MAPK14: variants seen among roughly 807,000 people sequenced by gnomAD.
MAPK14 encodes CSAID-binding protein.
MAPK14 carries 16 observed loss-of-function variants against 49.6 expected under a neutral mutation model. That is an observed-to-expected ratio of 0.32 (90% confidence interval 0.22 to 0.49). MAPK14 has a LOEUF of 0.49. Ranked by LOEUF, MAPK14 falls within the 20% of genes least tolerant of loss-of-function variation. The probability of loss-of-function intolerance (pLI) is 0.99; values close to 1 mark genes in which losing one functional copy is unlikely to be tolerated. For synonymous variants in MAPK14, 142 were observed against 158.0 expected (o/e 0.90, Z 0.76); for missense variants, 200 against 441.2 (o/e 0.45, Z 4.90).
At chr6:36,096,138 T>C (rs1243559049) in intron 9 of MAPK14, 72 bp downstream of exon 9, 10 of 1,046,746 alleles carry the variant, frequency 9.6e-6, no homozygotes, top group East Asian at 2.4e-5. Flanking sequence ...ATCTGTACTT[T>C]GACCTGGGTG....
At chr6:36,062,662 C>CTTTTTTT (rs67561112) in intron 3 of MAPK14, among the ~76,000 whole-genome samples, 1 of 132,434 alleles carries the variant, frequency 7.6e-6, no homozygotes, top group Non-Finnish European at 1.6e-5. Context: ...TTTTTCTTTT[C>CTTTTTTT]TTTTTTTTTT....
intron 3 of MAPK14, among the ~76,000 whole-genome samples, chr6:36,059,723 G>C (rs915103485): frequency 6.6e-6 from 1 of 151,996 alleles, no homozygotes; most frequent in Non-Finnish European, 1.5e-5. Flanking sequence ...TTGTGATATT[G>C]CCCAGGCTGG....
intron 1 of MAPK14, among the ~76,000 whole-genome samples, chr6:36,044,196 A>G (rs576455002): frequency 2.0e-5 from 3 of 152,284 alleles, no homozygotes; most frequent in African/African-American, 7.2e-5. Flanking sequence ...ATATTTAAAT[A>G]TTTCCATTAA....
At position 36,028,344 on chromosome 6, in the gene MAPK14, A is replaced by T; in HGVS notation, c.116+71A>T. The T allele has an allele frequency of 9.3e-7, 1 of 1,078,954 alleles. No homozygotes were observed. Among genetic ancestry groups the T allele is most frequent in the South Asian group, 1.3e-5 (1 of 78,060 alleles). 66.8% of individuals were successfully genotyped at this position (1,078,954 alleles called of 1,614,324 possible). On this transcript the variant is annotated intron_variant, in intron 1 of 11. Coordinates refer to ENST00000229794, the MANE Select transcript of MAPK14 (RefSeq NM_139012.3). This position sits in a 1 kb window ranked among gnomAD's most constrained non-coding sequence, Gnocchi z 5.1. ...CGCGCCCGAGGGCCAGGCCTGCTCC[A>T]CTGCTCAGCGTTGCGTCAAGTGGCA... is the stretch of plus-strand genomic sequence containing the variant.
At chr6:36,067,561 C>T (rs903755389) in intron 3 of MAPK14, among the ~76,000 whole-genome samples, 3 of 152,062 alleles carry the variant, frequency 2.0e-5, no homozygotes, top group African/African-American at 7.2e-5. Flanking sequence ...TTTTTGTTTT[C>T]ATCCTGTAAT....
intron 1 of MAPK14, among the ~76,000 whole-genome samples, chr6:36,052,161 G>A (rs1312711949): frequency 6.6e-6 from 1 of 152,104 alleles, no homozygotes; most frequent in East Asian, 1.9e-4. Flanking sequence ...AGAAATATTT[G>A]TGGCAATTTA....
intron 2 of MAPK14, among the ~76,000 whole-genome samples, chr6:36,056,983 A>C (rs1763614508): frequency 6.6e-6 from 1 of 152,220 alleles, no homozygotes. Flanking sequence ...TTTGACTTAA[A>C]TTTAAAGCAC....
At chr6:36,102,521 A>G (rs771637536) in intron 9 of MAPK14, 50 bp from the exon 10 acceptor site, 1 of 1,342,156 alleles carries the variant, frequency 7.5e-7, no homozygotes, top group South Asian at 1.2e-5. Flanking sequence ...TTTCTTTGAG[A>G]GCAGTAACAT....
chr6:36,075,449 G>C (rs929548169), intron 6 of MAPK14, among the ~76,000 whole-genome samples: 4 of 151,992 alleles, frequency 2.6e-5, no homozygotes, highest in African/African-American at 9.7e-5. Context: ...TGTGTCAGTG[G>C]TTTCTTCCTT....
chr6:36,086,088 C>T (rs923553092), intron 8 of MAPK14, among the ~76,000 whole-genome samples: 13 of 152,152 alleles, frequency 8.5e-5, no homozygotes, highest in Admixed American at 1.3e-4. Flanking sequence ...AGGCGGAAAT[C>T]AGAAGTTCTT....
At chr6:36,052,595 A>G (rs1581755479) in intron 1 of MAPK14, 104 bp from the exon 2 acceptor site, 1 of 1,001,338 alleles carries the variant, frequency 1.0e-6, no homozygotes, top group African/African-American at 1.7e-5. Flanking sequence ...TTTTTTTGGT[A>G]TTTTGTTATA....
At chr6:36,065,045 A>T (rs1562121075) in intron 3 of MAPK14, among the ~76,000 whole-genome samples, 1 of 152,088 alleles carries the variant, frequency 6.6e-6, no homozygotes, top group Non-Finnish European at 1.5e-5. Flanking sequence ...TTCCCCACAT[A>T]CCTACATGAC....
chr6:36,060,670 C>T (rs1763783255), intron 3 of MAPK14, among the ~76,000 whole-genome samples: 2 of 152,114 alleles, frequency 1.3e-5, no homozygotes, highest in African/African-American at 4.8e-5. Context: ...TTTACTCCTT[C>T]CCCACAGAAC....
chr6:36,073,937 T>C, intron 5 of MAPK14, 112 bp from the exon 6 acceptor site: 1 of 944,350 alleles, frequency 1.1e-6, no homozygotes, highest in Non-Finnish European at 1.7e-6. Context: ...GGAGATTGTC[T>C]TTTGATAGCT....
Position 36,107,640 on chromosome 6 carries a change from G to A in MAPK14, c.1015+12G>A. The A allele has an allele frequency of 6.5e-7, 1 of 1,537,660 alleles. No homozygotes were observed. Among genetic ancestry groups the A allele is most frequent in the Non-Finnish European group, 8.8e-7 (1 of 1,142,296 alleles). ...AGATGAGTGGAAAAGTAAGTCCTAA[G>A]GGTAGGATTAACATCTTGAACCACT... On this transcript the variant is annotated intron_variant, in intron 11 of 11. Transcript: ENST00000229794. The surrounding 1 kb of genome is among the most constrained non-coding windows in gnomAD (Gnocchi z 4.3).
At chr6:36,050,516 G>C (rs1763352216) in intron 1 of MAPK14, among the ~76,000 whole-genome samples, 1 of 152,188 alleles carries the variant, frequency 6.6e-6, no homozygotes, top group African/African-American at 2.4e-5. Context: ...CAGGAAACAG[G>C]ATGTTGGGTG....
intron 10 of MAPK14, among the ~76,000 whole-genome samples, chr6:36,106,983 C>T (rs1228503463): frequency 6.6e-6 from 1 of 152,026 alleles, no homozygotes. Context: ...AGTTTGACTA[C>T]ACTGGTAGCA....
chr6:36,073,054 C>T (rs752885232), intron 4 of MAPK14, 70 bp downstream of exon 4: 1 of 966,102 alleles, frequency 1.0e-6, no homozygotes, highest in Non-Finnish European at 1.6e-6. Context: ...AGGGCTTAAA[C>T]AAACAAGTAA....
chr6:36,091,171 G>T lies in MAPK14; in HGVS notation c.683-4816G>T, dbSNP rs144473558. Among the ~76,000 whole-genome samples, 532 of 151,954 alleles carry T rather than the reference G, an allele frequency of 3.5e-3. 10 individuals are homozygous for T. The highest frequency in any genetic ancestry group is 3.9e-3 in the Non-Finnish European group (262 of 67,978). On this transcript the variant is annotated intron_variant, in intron 8 of 11. Coordinates refer to ENST00000229794, the MANE Select transcript of MAPK14 (RefSeq NM_139012.3). ...TGGCCTGTGGAGGTTTTTTAGGAGT[G>T]CCTGGAGCACTTAGAACTGACTAGA... is the stretch of plus-strand genomic sequence containing the variant.
Sources: allele counts gnomAD v4.1 joint callset (sites outside exome capture counted in the v4.1 genomes callset), GRCh38; gene constraint gnomAD v4.1.1; non-coding constraint Gnocchi (gnomAD v3.1); transcripts MANE v1.5; gene names NCBI Gene and HGNC (gene_info 2026-07-23, HGNC 2026-07-21).